Variants in GRM2 observed in about 807,000 individuals in gnomAD.
GRM2 encodes the protein glutamate metabotropic receptor 2.
Under a neutral mutation model 60.4 loss-of-function variants are expected in GRM2, and 35 were observed. The observed-to-expected ratio is 0.58, with a 90% CI of 0.44 to 0.77. The LOEUF (loss-of-function observed/expected upper bound fraction) is 0.77, where lower values mean the gene tolerates loss of function less well. Ranked by LOEUF, GRM2 falls within the 30% of genes least tolerant of loss-of-function variation. GRM2 has a pLI of 0.00. For missense variants in GRM2, 925 were observed against 1,199.5 expected, an observed-to-expected ratio of 0.77 and a Z score of 3.38; for synonymous variants, 437 against 484.1, an observed-to-expected ratio of 0.90 and a Z score of 1.28.
Position 51,715,489 on chromosome 3 carries a change from C to T in GRM2, c.1716C>T (p.Val572=). Residue 572 remains valine, a synonymous_variant, in exon 4 of 6, where the codon GTC becomes GTT. Coordinates refer to ENST00000395052, the MANE Select transcript of GRM2 (RefSeq NM_000839.5). The surrounding 1 kb of genome is among the most constrained non-coding windows in gnomAD (Gnocchi z 9.0). ...RWGDAWAVGP[V]TIACLGALAT... is the part of the protein sequence containing the mutation. ...GCGATGCCTGGGCTGTGGGACCTGT[C>T]ACCATCGCCTGCCTCGGTGCCCTGG... 1 of 1,613,026 alleles carries T rather than the reference C, an allele frequency of 6.2e-7. No homozygotes were observed. Among genetic ancestry groups the T allele is most frequent in the Admixed American group, 1.7e-5 (1 of 60,020 alleles).
In GRM2 at chr3:51,709,383, A is replaced by G; in HGVS notation, c.400A>G (p.Thr134Ala). ...GSYATHGDAPTAITGVIGGSY... is the reference protein window; with the variant it reads ...GSYATHGDAPAAITGVIGGSY... ...TTATGCGACCCATGGTGATGCTCCC[A>G]CTGCCATCACTGGTGTTATTGGCGG... The change falls in exon 2 of 6, where the codon ACT becomes GCT. Residue 134 changes from threonine (T) to alanine (A), a missense_variant. Physicochemically the swap from Thr to Ala is moderately conservative, Grantham distance 58. Coordinates refer to ENST00000395052, the MANE Select transcript of GRM2 (RefSeq NM_000839.5). The G allele has an allele frequency of 5.7e-6, 9 of 1,580,640 alleles. No individual in the cohort carries two copies. Among genetic ancestry groups the G allele is most frequent in the Non-Finnish European group, 7.8e-6 (9 of 1,154,382 alleles).
chr3:51,709,513 A>T, intron 2 of GRM2, 80 bp downstream of exon 2: 1 of 992,574 alleles, frequency 1.0e-6, no homozygotes, highest in Admixed American at 2.9e-5. Flanking sequence ...AAAGGGGCTC[A>T]TGGGCTGCTG....
Position 51,715,962 on chromosome 3 carries a change from G to C in GRM2, c.2189G>C (p.Gly730Ala), listed in dbSNP as rs757404681. ...RCNHRDASML[G>A]SLAYNVLLIA... Reference sequence around the variant, plus strand: ...AACCACCGCGATGCAAGTATGTTGGGCTCGCTGGCCTACAATGTGCTCCTC... The same window carrying C: ...AACCACCGCGATGCAAGTATGTTGGCCTCGCTGGCCTACAATGTGCTCCTC... The change falls in exon 4 of 6, where the codon GGC (glycine) becomes GCC (alanine). Residue 730 changes from glycine (G) to alanine (A), a missense_variant. By Grantham distance (60) the Gly-to-Ala change is moderately conservative (BLOSUM62 0). Coordinates refer to ENST00000395052, the MANE Select transcript of GRM2 (RefSeq NM_000839.5). The surrounding 1 kb of genome is among the most constrained non-coding windows in gnomAD (Gnocchi z 9.0). The C allele has an allele frequency of 1.9e-6, 3 of 1,614,124 alleles. No individual in the cohort carries two copies. The South Asian group carries it at 3.3e-5, about 18-fold the overall frequency.
chr3:51,711,984 G>A (rs371108076), intron 2 of GRM2, among the ~76,000 whole-genome samples: 6 of 152,306 alleles, frequency 3.9e-5, no homozygotes, highest in South Asian at 4.1e-4. Context: ...TAGGGCCACC[G>A]GACCCTGGGA....
In GRM2 at chr3:51,717,132, ACAC is replaced by A. The variant is rs1467894601; in HGVS notation, c.2365-504_2365-502del. 6.6e-6 allele frequency among the ~76,000 whole-genome samples: 1 copy of A among 151,190 alleles called. No homozygotes were observed. The highest frequency in any genetic ancestry group is 1.5e-5 in the Non-Finnish European group (1 of 67,780). On this transcript the variant is annotated intron_variant, in intron 4 of 5. Transcript: ENST00000395052. This position sits in a 1 kb window ranked among gnomAD's most constrained non-coding sequence, Gnocchi z 6.0. ...CCCACACATGCATGCACACACACAC[ACAC>A]ACTTGTACACACAGACATAGCCACA...
chr3:51,710,147 G>T (rs1175530190), intron 2 of GRM2, among the ~76,000 whole-genome samples: 1 of 151,778 alleles, frequency 6.6e-6, no homozygotes, highest in African/African-American at 2.4e-5. Context: ...CTGCCACCAT[G>T]CCCGGCTAAT....
Position 51,717,100 on chromosome 3 carries a change from C to T in GRM2, c.2365-537C>T, listed in dbSNP as rs952235496. 1.4e-5 allele frequency among the ~76,000 whole-genome samples: 2 copies of T among 140,908 alleles called. No homozygotes were observed. The highest frequency in any genetic ancestry group is 2.6e-5 in the African/African-American group (1 of 37,782). The allele number at this position is 140,908 out of a possible 152,430, so 92.4% of individuals were successfully genotyped here. A position where few individuals can be genotyped will look rare whatever the true frequency, so the allele number is the denominator to read the frequency against. On this transcript the variant is annotated intron_variant, in intron 4 of 5. Transcript: ENST00000395052. This position sits in a 1 kb window ranked among gnomAD's most constrained non-coding sequence, Gnocchi z 6.0. ...CAGCTAAGGACTCACCTGAGACACA[C>T]ACCGTACCCACACATGCATGCACAC...
rs1040770255 is a variant in GRM2, at chr3:51,716,875, C to T, written c.2364+738C>T. ...GGTCTGAACTGCAGAAAAATTGAGG[C>T]GAAAGCCCCGGCAAAGGCCCCTTCC... On this transcript the variant is annotated intron_variant, in intron 4 of 5. Coordinates refer to ENST00000395052, the MANE Select transcript of GRM2 (RefSeq NM_000839.5). The surrounding 1 kb of genome is among the most constrained non-coding windows in gnomAD (Gnocchi z 4.0). Among the ~76,000 whole-genome samples the T allele has an allele frequency of 2.6e-5, 4 of 152,124 alleles. No individual in the cohort carries two copies. Among genetic ancestry groups the T allele is most frequent in the African/African-American group, 7.2e-5 (3 of 41,402 alleles).
At chr3:51,711,550 A>G (rs909158190) in intron 2 of GRM2, 1 of 152,470 alleles carries the variant, frequency 6.6e-6, no homozygotes, top group Non-Finnish European at 1.5e-5. Context: ...CTGCCTGTTA[A>G]TATTCCCCCT....
intron 3 of GRM2, chr3:51,714,715 G>A (rs1388579225): frequency 4.8e-6 from 1 of 207,830 alleles, no homozygotes; most frequent in Non-Finnish European, 9.5e-6. Context: ...GGGATTTGGA[G>A]CCTGGGTTGG....
chr3:51,713,313 A>C lies in GRM2; in HGVS notation c.1288+3A>C. ...TGTGCTCAACGTCAAGTTTGATGGT[A>C]ATGGTGTTGGCCAGTGTCCATTGGC... On this transcript the variant is annotated splice_donor_region_variant and intron_variant, in intron 3 of 5. Coordinates refer to ENST00000395052, the MANE Select transcript of GRM2 (RefSeq NM_000839.5). The surrounding 1 kb of genome is among the most constrained non-coding windows in gnomAD (Gnocchi z 4.8). 6.3e-7 allele frequency: 1 copy of C among 1,591,042 alleles called. No homozygotes were observed. Among genetic ancestry groups the C allele is most frequent in the Admixed American group, 1.7e-5 (1 of 59,232 alleles).
chr3:51,712,824 C>T lies in GRM2; in HGVS notation c.802C>T (p.Leu268=). The change falls in exon 3 of 6, where the codon CTG becomes TTG. Residue 268 remains leucine (L), a synonymous_variant. Coordinates refer to ENST00000395052, the MANE Select transcript of GRM2 (RefSeq NM_000839.5). The surrounding 1 kb of genome is among the most constrained non-coding windows in gnomAD (Gnocchi z 5.3). ...GAAGCCCAGTGCCCGCGTGGCTGTC[C>T]TGTTCACCCGTTCTGAGGATGCCCG... ...LQKPSARVAV[L]FTRSEDAREL... 1 of 1,612,974 alleles carries T rather than the reference C, an allele frequency of 6.2e-7. No individual in the cohort carries two copies. The highest frequency in any genetic ancestry group is 8.5e-7 in the Non-Finnish European group (1 of 1,180,042).
At position 51,712,420 on chromosome 3, in the gene GRM2, T is replaced by A. The variant is rs1703742772; in HGVS notation, c.451-53T>A. 2 of 1,188,940 alleles carry A rather than the reference T, an allele frequency of 1.7e-6. No individual in the cohort carries two copies. Among genetic ancestry groups the A allele is most frequent in the African/African-American group, 3.0e-5 (2 of 66,906 alleles). 73.6% of individuals were successfully genotyped at this position (1,188,940 alleles called of 1,614,324 possible). A position where few individuals can be genotyped will look rare whatever the true frequency, so the allele number is the denominator to read the frequency against. On this transcript the variant is annotated intron_variant, in intron 2 of 5. Coordinates refer to ENST00000395052, the MANE Select transcript of GRM2 (RefSeq NM_000839.5). This position sits in a 1 kb window ranked among gnomAD's most constrained non-coding sequence, Gnocchi z 5.3. ...CTGCTAGCTGTGGGGGATGCACCTG[T>A]CTCTAGTGTTTGATCTGACCGCTGA...
Position 51,708,930 on chromosome 3 carries a change from A to G in GRM2, c.-54A>G, listed in dbSNP as rs1703594408. 5.1e-6 allele frequency: 7 copies of G among 1,380,272 alleles called. No homozygotes were observed. Among genetic ancestry groups the G allele is most frequent in the Admixed American group, 4.7e-5 (2 of 42,280 alleles). 85.5% of individuals were successfully genotyped at this position (1,380,272 alleles called of 1,614,324 possible). On this transcript the variant is annotated 5_prime_UTR_variant, in exon 2 of 6. Transcript: ENST00000395052. ...CCTCTCTTTGCCTTCGCTGCTTCTA[A>G]TCTCATCCCCTGGAGACCCAGGTCT...
At position 51,718,181 on chromosome 3, in the gene GRM2, G is replaced by A. The variant is rs1703973235; in HGVS notation, c.*69G>A. On this transcript the variant is annotated 3_prime_UTR_variant, in exon 6 of 6. Transcript: ENST00000395052. The surrounding 1 kb of genome is among the most constrained non-coding windows in gnomAD (Gnocchi z 4.2). The stretch of plus-strand genomic sequence containing the variant: ...AGTGCAGACCCACGTCCAGGGCCAG[G>A]AGGAAGTTGGCTGGAGCACTGCAAT... 1 of 1,320,104 alleles carries A rather than the reference G, an allele frequency of 7.6e-7. No homozygotes were observed. The highest frequency in any genetic ancestry group is 1.1e-6 in the Non-Finnish European group (1 of 911,414). 81.8% of individuals were successfully genotyped at this position (1,320,104 alleles called of 1,614,324 possible). A position where few individuals can be genotyped will look rare whatever the true frequency, so the allele number is the denominator to read the frequency against.
At position 51,716,158 on chromosome 3, in the gene GRM2, G is replaced by A. The variant is rs1703892787; in HGVS notation, c.2364+21G>A. On this transcript the variant is annotated intron_variant, in intron 4 of 5. Transcript: ENST00000395052. This position sits in a 1 kb window ranked among gnomAD's most constrained non-coding sequence, Gnocchi z 4.0. ...ACCGGGTGAGCTACCTGCCACAGAG[G>A]TCGGGGGAGATGGGACACCAGACCC... 4 of 1,517,684 alleles carry A rather than the reference G, an allele frequency of 2.6e-6. No homozygotes were observed. The highest frequency in any genetic ancestry group is 3.4e-4 in the Middle Eastern group (2 of 5,920). 94.0% of individuals were successfully genotyped at this position (1,517,684 alleles called of 1,614,324 possible). A position where few individuals can be genotyped will look rare whatever the true frequency, so the allele number is the denominator to read the frequency against.
At chr3:51,710,554 G>A (rs1447811899) in intron 2 of GRM2, among the ~76,000 whole-genome samples, 1 of 152,158 alleles carries the variant, frequency 6.6e-6, no homozygotes, top group Non-Finnish European at 1.5e-5. Flanking sequence ...TTGGAGAGGG[G>A]TGGCCAGATA....
chr3:51,714,428 T>C (rs1308477934), intron 3 of GRM2: 1 of 153,520 alleles, frequency 6.5e-6, no homozygotes, highest in Non-Finnish European at 1.4e-5. Context: ...AAATCCTGGC[T>C]AGAGCCTGGC....
Position 51,715,465 on chromosome 3 carries a change from C to T in GRM2, c.1692C>T (p.Gly564=), listed in dbSNP as rs145866154. The T allele has an allele frequency of 6.9e-4, 1,108 of 1,612,498 alleles. No individual in the cohort carries two copies. The highest frequency in any genetic ancestry group is 9.0e-4 in the Non-Finnish European group (1,063 of 1,179,786). Residue 564 remains glycine, a synonymous_variant, in exon 4 of 6, where the codon GGC becomes GGT. Transcript: ENST00000395052. This position sits in a 1 kb window ranked among gnomAD's most constrained non-coding sequence, Gnocchi z 9.0. ...TGCCCCAGGAGTACATCCGCTGGGGCGATGCCTGGGCTGTGGGACCTGTCA... is the reference window on the plus strand; with the variant it reads ...TGCCCCAGGAGTACATCCGCTGGGGTGATGCCTGGGCTGTGGGACCTGTCA... The part of the protein sequence containing the change: ...FELPQEYIRW[G]DAWAVGPVTI...
Sources: allele counts gnomAD v4.1 joint callset (sites outside exome capture counted in the v4.1 genomes callset), GRCh38; gene constraint gnomAD v4.1.1; non-coding constraint Gnocchi (gnomAD v3.1); transcripts MANE v1.5; gene names NCBI Gene and HGNC (gene_info 2026-07-23, HGNC 2026-07-21).